CAPN5: variants seen among roughly 807,000 people sequenced by gnomAD.
The protein encoded by CAPN5 is calpain-5.
Under a neutral mutation model 73.0 loss-of-function variants are expected in CAPN5, and 54 were observed. The observed-to-expected ratio is 0.74, with a 90% CI of 0.59 to 0.93. The LOEUF (loss-of-function observed/expected upper bound fraction) is 0.93. CAPN5 is among the 40% of genes least tolerant of loss of function. The pLI is 0.00. For synonymous variants in CAPN5, 335 were observed against 356.9 expected (o/e 0.94, Z 0.69); for missense variants, 785 against 882.9 (o/e 0.89, Z 1.41).
At chr11:77,105,227 C>A (rs115321922) in intron 3 of CAPN5, among the ~76,000 whole-genome samples, 1 of 151,860 alleles carries the variant, frequency 6.6e-6, no homozygotes, top group African/African-American at 2.4e-5. Flanking sequence ...TGCAGTGTCT[C>A]GCCATCAGCC....
At chr11:77,074,886 G>A (rs782463689) in intron 1 of CAPN5, among the ~76,000 whole-genome samples, 5 of 152,188 alleles carry the variant, frequency 3.3e-5, no homozygotes, top group Admixed American at 3.3e-4. Flanking sequence ...ACCAGTGGCT[G>A]GCCACCAGGA....
rs1455781232 is a variant in CAPN5 at position 77,097,473 on chromosome 11, T to TTTG, written c.297+3662_297+3663insGTT. On this transcript the variant is annotated intron_variant, in intron 3 of 12. Coordinates refer to ENST00000648180, the MANE Select transcript of CAPN5 (RefSeq NM_004055.5). The stretch of plus-strand genomic sequence containing the variant: ...CCTGTGTTTCCTTCTAGTTTTTTTT[T>TTTG]TTTTTTTTTTTTTTTTATTGATAAT... Among the ~76,000 whole-genome samples, 20 of 139,176 alleles carry TTTG rather than the reference T, an allele frequency of 1.4e-4. 1 individual carries two copies. Among genetic ancestry groups the TTTG allele is most frequent in the African/African-American group, 5.2e-4 (18 of 34,628 alleles). The allele number at this position is 139,176 out of a possible 152,430, so 91.3% of individuals were successfully genotyped here.
Position 77,123,750 on chromosome 11 carries a change from G to A in CAPN5, c.1803G>A (p.Pro601=), listed in dbSNP as rs150127749. Reference sequence around the variant, plus strand: ...GCCAGGTGCACCTAAAGGCTGACCCGGACAACCTCCAGGCCCTGCATACCC... The same window carrying A: ...GCCAGGTGCACCTAAAGGCTGACCCAGACAACCTCCAGGCCCTGCATACCC... ...FLGQVHLKAD[P]DNLQALHTLH... is the part of the protein sequence containing the mutation. The change falls in exon 13 of 13, where the codon CCG becomes CCA. Residue 601 remains proline (P), a synonymous_variant. Coordinates refer to ENST00000648180, the MANE Select transcript of CAPN5 (RefSeq NM_004055.5). 58 of 1,613,804 alleles carry A rather than the reference G, an allele frequency of 3.6e-5. No individual in the cohort carries two copies. The highest frequency in any genetic ancestry group is 2.7e-4 in the African/African-American group (20 of 74,984).
intron 1 of CAPN5, among the ~76,000 whole-genome samples, chr11:77,077,563 C>T (rs1565256110): frequency 6.6e-6 from 1 of 150,414 alleles, no homozygotes; most frequent in African/African-American, 2.4e-5. Flanking sequence ...GAGTTTCGCT[C>T]TTGTCTCCCA....
At chr11:77,109,916 C>G (rs1393758040) in intron 3 of CAPN5, among the ~76,000 whole-genome samples, 1 of 152,152 alleles carries the variant, frequency 6.6e-6, no homozygotes, top group Non-Finnish European at 1.5e-5. Context: ...GAGGGCTGCC[C>G]TTCCTCCCAG....
chr11:77,114,400 A>G lies in CAPN5; in HGVS notation c.665A>G (p.His222Arg). Reference sequence around the variant, plus strand: ...CTCTTTGAGCGCATGTTAAAGGTGCACAGCCGGGGCGGCCTCATCAGTGCC... The same window carrying G: ...CTCTTTGAGCGCATGTTAAAGGTGCGCAGCCGGGGCGGCCTCATCAGTGCC... ...NQLFERMLKV[H>R]SRGGLISASI... The change falls in exon 5 of 13, where the codon CAC becomes CGC. Residue 222 changes from histidine to arginine, a missense_variant. His to Arg is a conservative substitution (Grantham distance 29). Coordinates refer to ENST00000648180, the MANE Select transcript of CAPN5 (RefSeq NM_004055.5). 1 of 1,614,226 alleles carries G rather than the reference A, an allele frequency of 6.2e-7. No homozygotes were observed. Among genetic ancestry groups the G allele is most frequent in the Non-Finnish European group, 8.5e-7 (1 of 1,180,038 alleles).
rs1425271497 is a variant in CAPN5, at chr11:77,124,506, G to A, written c.*636G>A. ...GGGGCCCTACTCCGGCCTCTGCCTT[G>A]GGCCTCGCCTCTGTCCTCAGGTCCT... On this transcript the variant is annotated 3_prime_UTR_variant, in exon 13 of 13. Coordinates refer to ENST00000648180, the MANE Select transcript of CAPN5 (RefSeq NM_004055.5). 6.5e-6 allele frequency: 1 copy of A among 152,782 alleles called. No homozygotes were observed. The highest frequency in any genetic ancestry group is 6.5e-5 in the Admixed American group (1 of 15,362). The allele number at this position is 152,782 out of a possible 1,614,324, so 9.5% of individuals were successfully genotyped here. A position where few individuals can be genotyped will look rare whatever the true frequency, so the allele number is the denominator to read the frequency against.
rs369475547 is a variant in CAPN5, at chr11:77,102,985, C to A, written c.297+9172C>A. ...GATGGGGAGAAGCTGCTGCAGCCAG[C>A]GGAGTCTGTGTACCGCCTCAACTTC... On this transcript the variant is annotated intron_variant, in intron 3 of 12. Transcript: ENST00000648180. 1.2e-5 allele frequency: 19 copies of A among 1,613,290 alleles called. No homozygotes were observed. Among genetic ancestry groups the A allele is most frequent in the Admixed American group, 1.7e-5 (1 of 60,002 alleles).
chr11:77,092,731 C>G (rs1239091637), intron 2 of CAPN5, among the ~76,000 whole-genome samples: 1 of 152,232 alleles, frequency 6.6e-6, no homozygotes, highest in African/African-American at 2.4e-5. Flanking sequence ...AATTCCAGCA[C>G]TTTGGGAGGC....
At position 77,084,913 on chromosome 11, in the gene CAPN5, G is replaced by A. The variant is rs782615701; in HGVS notation, c.27G>A (p.Glu9=). ...TGTTCTCGTGTGTGAAGCCCTATGA[G>A]GACCAGAACTACTCAGCCCTGAGGC... The part of the protein sequence containing the change: MFSCVKPY[E]DQNYSALRRD... Residue 9 remains glutamate, a synonymous_variant, in exon 2 of 13, where the codon GAG becomes GAA. Transcript: ENST00000648180. The A allele has an allele frequency of 6.2e-7, 1 of 1,614,074 alleles. No individual in the cohort carries two copies. The highest frequency in any genetic ancestry group is 2.2e-5 in the East Asian group (1 of 44,882).
At chr11:77,095,968 T>G (rs1280900501) in intron 3 of CAPN5, among the ~76,000 whole-genome samples, 1 of 152,172 alleles carries the variant, frequency 6.6e-6, no homozygotes, top group Non-Finnish European at 1.5e-5. Context: ...TAATTGCACT[T>G]TGCCTCCTGT....
At chr11:77,068,581 A>G (rs1949870334) in intron 1 of CAPN5, among the ~76,000 whole-genome samples, 1 of 152,168 alleles carries the variant, frequency 6.6e-6, no homozygotes. Context: ...ATTGCGGATT[A>G]GATAGGTCAG....
chr11:77,115,961 C>T (rs542095350), intron 6 of CAPN5, among the ~76,000 whole-genome samples: 5 of 152,144 alleles, frequency 3.3e-5, no homozygotes, highest in Admixed American at 1.3e-4. Context: ...CACTGGGGGT[C>T]GCACCCCCCT....
chr11:77,116,195 C>T (rs373286055), intron 6 of CAPN5, 31 bp from the exon 7 acceptor site: 2 of 1,585,934 alleles, frequency 1.3e-6, no homozygotes, highest in African/African-American at 2.7e-5. Context: ...TTAGACAGCT[C>T]CCTTTCTCCT....
chr11:77,069,624 A>C (rs1398164895), intron 1 of CAPN5, among the ~76,000 whole-genome samples: 1 of 152,090 alleles, frequency 6.6e-6, no homozygotes, highest in Non-Finnish European at 1.5e-5. Context: ...CCAGCTGCAA[A>C]GAGCAGGGTC....
rs1371617482 is a variant in CAPN5 at position 77,125,310 on chromosome 11, C to T, written c.*1440C>T. 1.3e-5 allele frequency: 2 copies of T among 152,708 alleles called. No individual in the cohort carries two copies. Among genetic ancestry groups the T allele is most frequent in the Admixed American group, 6.5e-5 (1 of 15,286 alleles). The allele number at this position is 152,708 out of a possible 1,614,324, so 9.5% of individuals were successfully genotyped here. ...GAGGTGCTGGATTCTCTGATTTTGC[C>T]TCCTCACTCTGTGTCTGGCTTTGCT... On this transcript the variant is annotated 3_prime_UTR_variant, in exon 13 of 13. Transcript: ENST00000648180.
intron 3 of CAPN5, among the ~76,000 whole-genome samples, chr11:77,102,009 T>C (rs1432503303): frequency 6.6e-6 from 1 of 152,180 alleles, no homozygotes; most frequent in Non-Finnish European, 1.5e-5. Flanking sequence ...TCCGGGTCAG[T>C]AATGCTCAAG....
At chr11:77,076,083 C>T (rs931067297) in intron 1 of CAPN5, among the ~76,000 whole-genome samples, 13 of 152,138 alleles carry the variant, frequency 8.5e-5, no homozygotes, top group African/African-American at 2.2e-4. Context: ...TACTCTCGGC[C>T]GGGCGCAGTA....
intron 1 of CAPN5, chr11:77,072,874 T>G: frequency 2.9e-6 from 1 of 342,986 alleles, no homozygotes; most frequent in Non-Finnish European, 5.8e-6. Context: ...AGTGTTCCCC[T>G]CCCTGCCACT....
Sources: gnomAD v4.1 joint callset for allele counts (sites outside exome capture counted in the v4.1 genomes callset) on GRCh38, gnomAD v4.1.1 for gene constraint, MANE v1.5 for transcripts, NCBI Gene and HGNC (gene_info 2026-07-23, HGNC 2026-07-21) for gene names.